RUNX1: variants seen among roughly 807,000 people sequenced by gnomAD.
RUNX1 encodes runt-related transcription factor 1.
In RUNX1, 19 loss-of-function variants were observed where a neutral mutation model predicts 42.8. The observed-to-expected ratio is 0.44, with a 90% CI of 0.31 to 0.65. The LOEUF (loss-of-function observed/expected upper bound fraction) is 0.65, where lower values mean the gene tolerates loss of function less well. Ranked by LOEUF, RUNX1 falls within the 30% of genes least tolerant of loss-of-function variation. The pLI is 0.07. For synonymous variants in RUNX1, 271 were observed against 289.4 expected, an observed-to-expected ratio of 0.94 and a Z score of 0.64; for missense variants, 528 against 672.0, an observed-to-expected ratio of 0.79 and a Z score of 2.37.
intron 6 of RUNX1, among the ~76,000 whole-genome samples, chr21:34,847,532 GACT>G (rs1484291686): frequency 6.6e-6 from 1 of 151,892 alleles, no homozygotes; most frequent in Non-Finnish European, 1.5e-5. Context: ...CTAATTGACA[GACT>G]ACTTAAAAAG....
intron 7 of RUNX1, 102 bp downstream of exon 7, chr21:34,834,308 G>GA (rs776296400): frequency 8.2e-7 from 1 of 1,217,186 alleles, no homozygotes; most frequent in Admixed American, 1.7e-5. Flanking sequence ...GCATCAAGGG[G>GA]AAACCCCAGT....
rs2834662 is a variant in RUNX1 at position 34,901,879 on chromosome 21, T to C, written c.59-8916A>G. ...GTTCCCTAATTGGCGAATGTCACAC[T>C]AGTAAGATTTTCTGGTGGATGATAG... is the stretch of plus-strand genomic sequence containing the variant. On this transcript the variant is annotated intron_variant, in intron 2 of 8. Transcript: ENST00000675419. This position sits in a 1 kb window ranked among gnomAD's most constrained non-coding sequence, Gnocchi z 4.3. 0.26 allele frequency among the ~76,000 whole-genome samples: 38,810 copies of C among 152,128 alleles called. 5,407 individuals are homozygous for C. Among genetic ancestry groups the C allele is most frequent in the African/African-American group, 0.35 (14,567 of 41,476 alleles).
At position 34,886,833 on chromosome 21, in the gene RUNX1, G is replaced by C. The variant is rs776306850; in HGVS notation, c.351+10C>G. On this transcript the variant is annotated intron_variant, in intron 4 of 8. Transcript: ENST00000675419. ...CGCCTGTCCTCCCACCACCCTCTCCGGGCCAGTACCTTGAAAGCGATGGGC... is the reference window on the plus strand; with the variant it reads ...CGCCTGTCCTCCCACCACCCTCTCCCGGCCAGTACCTTGAAAGCGATGGGC... 9 of 1,612,584 alleles carry C rather than the reference G, an allele frequency of 5.6e-6. No homozygotes were observed. The highest frequency in any genetic ancestry group is 3.3e-5 in the South Asian group (3 of 91,046).
chr21:34,971,184 C>G (rs577345640), intron 2 of RUNX1, among the ~76,000 whole-genome samples: 2 of 152,132 alleles, frequency 1.3e-5, no homozygotes, highest in Admixed American at 6.5e-5. Flanking sequence ...GCTCCTAGAG[C>G]TATGAAGAAA....
At chr21:34,963,092 C>T (rs1304996132) in intron 2 of RUNX1, among the ~76,000 whole-genome samples, 1 of 152,226 alleles carries the variant, frequency 6.6e-6, no homozygotes, top group Admixed American at 6.5e-5. Context: ...CTGCAGTCCT[C>T]CTGGGACAGG....
chr21:34,960,836 C>A (rs1299945907), intron 2 of RUNX1, among the ~76,000 whole-genome samples: 5 of 152,252 alleles, frequency 3.3e-5, no homozygotes, highest in African/African-American at 1.2e-4. Flanking sequence ...GAAGATTGGA[C>A]AAAGAGCCTT....
In RUNX1 at chr21:34,791,783, C is replaced by A; in HGVS notation, c.*352G>T. The stretch of plus-strand genomic sequence containing the variant: ...AGGGTATAAAATCTTTCTTTTTATT[C>A]ACAGCATTGCTAAATCAGAAGCATT... On this transcript the variant is annotated 3_prime_UTR_variant, in exon 9 of 9. Transcript: ENST00000675419. 1 of 225,076 alleles carries A rather than the reference C, an allele frequency of 4.4e-6. No individual in the cohort carries two copies. Among genetic ancestry groups the A allele is most frequent in the Non-Finnish European group, 8.9e-6 (1 of 112,554 alleles). The allele number at this position is 225,076 out of a possible 1,614,324, so 13.9% of individuals were successfully genotyped here.
intron 2 of RUNX1, among the ~76,000 whole-genome samples, chr21:35,002,845 T>C (rs1357160759): frequency 6.6e-6 from 1 of 152,186 alleles, no homozygotes; most frequent in Non-Finnish European, 1.5e-5. Context: ...ATAGCAGGCA[T>C]TCAAGATAAA....
intron 5 of RUNX1, among the ~76,000 whole-genome samples, chr21:34,867,568 G>A (rs1396765206): frequency 6.6e-6 from 1 of 152,172 alleles, no homozygotes; most frequent in Non-Finnish European, 1.5e-5. Flanking sequence ...TGCAGGCAGG[G>A]GAAAAGCTCA....
intron 8 of RUNX1, among the ~76,000 whole-genome samples, chr21:34,798,870 G>A (rs2056567903): frequency 6.6e-6 from 1 of 152,060 alleles, no homozygotes; most frequent in South Asian, 2.1e-4. Flanking sequence ...CCAAGGGGCG[G>A]CTGTATTTAT....
rs1266842690 is a variant in RUNX1 at position 34,887,024 on chromosome 21, G to A, written c.170C>T (p.Pro57Leu). Residue 57 changes from proline (P) to leucine (L), a missense_variant, in exon 4 of 9, where the codon CCG becomes CTG. Around this residue, in one of 3 missense-constraint regions of RUNX1, gnomAD observed 114 missense variants for 115.0 expected, o/e 0.99. Transcript: ENST00000675419. ...AGCGCCGGCGTCCGGGGCGCCCAGC[G>A]GCAACGCCTCGCTCATCTTGCCTGG... Reference protein sequence around the residue: ...LSPGKMSEALPLGAPDAGAAL... With the variant: ...LSPGKMSEALLLGAPDAGAAL... 6.9e-6 allele frequency: 11 copies of A among 1,601,760 alleles called. No homozygotes were observed. The highest frequency in any genetic ancestry group is 1.7e-5 in the Admixed American group (1 of 59,832).
Position 34,790,362 on chromosome 21 carries a change from C to CT in RUNX1, c.*1772dup. 1 of 233,680 alleles carries CT rather than the reference C, an allele frequency of 4.3e-6. No homozygotes were observed. Among genetic ancestry groups the CT allele is most frequent in the Non-Finnish European group, 8.5e-6 (1 of 118,020 alleles). The allele number at this position is 233,680 out of a possible 1,614,324, so 14.5% of individuals were successfully genotyped here. ...AATCAAACACTGTTCTGAAGTCCTGCTTTCAAATACTCTTCAGAGTTGACC... is the reference window on the plus strand; with the variant it reads ...AATCAAACACTGTTCTGAAGTCCTGCTTTTCAAATACTCTTCAGAGTTGACC... On this transcript the variant is annotated 3_prime_UTR_variant, in exon 9 of 9. Transcript: ENST00000675419.
chr21:34,898,130 A>G (rs2058144938), intron 2 of RUNX1, among the ~76,000 whole-genome samples: 2 of 152,176 alleles, frequency 1.3e-5, no homozygotes, highest in Admixed American at 1.3e-4. Context: ...CCACTATGCT[A>G]CAGCCCCATG....
chr21:34,873,678 A>C (rs1454659159), intron 5 of RUNX1, among the ~76,000 whole-genome samples: 1 of 152,216 alleles, frequency 6.6e-6, no homozygotes, highest in Non-Finnish European at 1.5e-5. Context: ...CGGTGATGTC[A>C]AATGGAGCTC....
At chr21:34,910,361 A>G (rs1411504163) in intron 2 of RUNX1, among the ~76,000 whole-genome samples, 3 of 151,874 alleles carry the variant, frequency 2.0e-5, no homozygotes, top group Non-Finnish European at 4.4e-5. Context: ...AAACTCCAGC[A>G]ATGAAGATAA....
chr21:34,857,705 C>T (rs918749798), intron 6 of RUNX1, among the ~76,000 whole-genome samples: 1 of 152,148 alleles, frequency 6.6e-6, no homozygotes, highest in African/African-American at 2.4e-5. Context: ...GGCCCCTTGC[C>T]ATAATTCAAG....
chr21:34,889,696 G>C, intron 3 of RUNX1: 1 of 1,172,198 alleles, frequency 8.5e-7, no homozygotes, highest in Non-Finnish European at 1.1e-6. Flanking sequence ...GCGTGCGGGC[G>C]GCCGCTTCCC....
chr21:34,901,169 A>G lies in RUNX1; in HGVS notation c.59-8206T>C, dbSNP rs1021753780. On this transcript the variant is annotated intron_variant, in intron 2 of 8. Transcript: ENST00000675419. The surrounding 1 kb of genome is among the most constrained non-coding windows in gnomAD (Gnocchi z 4.3). ...CCCTACTTGCCTGTGTTGGTTCTTAAGGGGCTGCTGGGAACCCCTGAAGGT... is the reference window on the plus strand; with the variant it reads ...CCCTACTTGCCTGTGTTGGTTCTTAGGGGGCTGCTGGGAACCCCTGAAGGT... Among the ~76,000 whole-genome samples, 28 of 151,998 alleles carry G rather than the reference A, an allele frequency of 1.8e-4. No homozygotes were observed. Among genetic ancestry groups the G allele is most frequent in the Admixed American group, 1.8e-3 (27 of 15,262 alleles).
rs746177189 is a variant in RUNX1 at position 34,843,377 on chromosome 21, T to C, written c.614-8776A>G. Among the ~76,000 whole-genome samples the C allele has an allele frequency of 4.6e-5, 7 of 151,860 alleles. No individual in the cohort carries two copies. The highest frequency in any genetic ancestry group is 8.8e-5 in the Non-Finnish European group (6 of 67,958). ...ATACAGACGCACACACACATATACA[T>C]ATATCACACAGGGACACACATGCAT... is the stretch of plus-strand genomic sequence containing the variant. On this transcript the variant is annotated intron_variant, in intron 6 of 8. Coordinates refer to ENST00000675419, the MANE Select transcript of RUNX1 (RefSeq NM_001754.5). The surrounding 1 kb of genome is among the most constrained non-coding windows in gnomAD (Gnocchi z 4.8).
Sources: allele counts gnomAD v4.1 joint callset (sites outside exome capture counted in the v4.1 genomes callset), GRCh38; gene constraint gnomAD v4.1.1; regional missense constraint gnomAD v4.1.1; non-coding constraint Gnocchi (gnomAD v3.1); transcripts MANE v1.5; gene names NCBI Gene and HGNC (gene_info 2026-07-23, HGNC 2026-07-21).